Variants in TSPAN9 observed in about 807,000 individuals in gnomAD.
TSPAN9 encodes the protein tetraspanin 9.
A neutral mutation model predicts 31.0 loss-of-function variants in TSPAN9; 16 were observed. That is an observed-to-expected ratio of 0.52 (90% CI 0.35 to 0.78). The LOEUF (loss-of-function observed/expected upper bound fraction) is 0.78. Among genes scored for constraint, TSPAN9 ranks in the 30% least tolerant of loss-of-function variants. The pLI is 0.01. For synonymous variants in TSPAN9, 145 were observed against 121.6 expected (o/e 1.19, Z -1.27); for missense variants, 272 against 312.5 (o/e 0.87, Z 0.98).
rs1230745376 is a variant in TSPAN9 at position 3,205,230 on chromosome 12, T to A, written c.63+3974T>A. Among the ~76,000 whole-genome samples, 3 of 152,216 alleles carry A rather than the reference T, an allele frequency of 2.0e-5. No individual in the cohort carries two copies. The South Asian group carries it at 6.2e-4, about 31-fold the overall frequency. ...CTTTAAATTATGGCTGGCAGAGCAG[T>A]GACATTCTGGCCCATTGGAAAGCCT... On this transcript the variant is annotated intron_variant, in intron 3 of 8. Coordinates refer to ENST00000011898, the MANE Select transcript of TSPAN9 (RefSeq NM_006675.5).
intron 1 of TSPAN9, among the ~76,000 whole-genome samples, chr12:3,079,274 G>A (rs1397899515): frequency 1.3e-5 from 2 of 151,308 alleles, no homozygotes; most frequent in Non-Finnish European, 1.5e-5. Flanking sequence ...CCACCGCATT[G>A]GCTGAAGTTT....
rs757650466 is a variant in TSPAN9, at chr12:3,192,272, G to T, written c.-17-8905G>T. ...GGGAAGCCACTGATGAGGTTACAGT[G>T]GAGAGGCACATGAGTGGGAAGATTG... On this transcript the variant is annotated intron_variant, in intron 2 of 8. Transcript: ENST00000011898. The surrounding 1 kb of genome is among the most constrained non-coding windows in gnomAD (Gnocchi z 4.6). 2.6e-5 allele frequency among the ~76,000 whole-genome samples: 4 copies of T among 152,218 alleles called. No individual in the cohort carries two copies. The highest frequency in any genetic ancestry group is 5.9e-5 in the Non-Finnish European group (4 of 68,046).
chr12:3,189,347 T>TAG (rs2153971910), intron 2 of TSPAN9, among the ~76,000 whole-genome samples: 2 of 152,132 alleles, frequency 1.3e-5, no homozygotes, highest in East Asian at 3.9e-4. Context: ...GAGTACCATG[T>TAG]AGAAGGGCCC....
Position 3,283,188 on chromosome 12 carries a change from T to C in TSPAN9, c.*72T>C. 1 of 1,516,448 alleles carries C rather than the reference T, an allele frequency of 6.6e-7. No homozygotes were observed. The highest frequency in any genetic ancestry group is 2.3e-5 in the East Asian group (1 of 44,034). The allele number at this position is 1,516,448 out of a possible 1,614,324, so 93.9% of individuals were successfully genotyped here. On this transcript the variant is annotated 3_prime_UTR_variant, in exon 9 of 9. Coordinates refer to ENST00000011898, the MANE Select transcript of TSPAN9 (RefSeq NM_006675.5). Reference sequence around the variant, plus strand: ...GAAGAGGATTGAGCTTTGTGTCACCTGCCTGCGCTCTCCAGATATGACCCC... The same window carrying C: ...GAAGAGGATTGAGCTTTGTGTCACCCGCCTGCGCTCTCCAGATATGACCCC...
At chr12:3,257,935 C>A (rs914836095) in intron 3 of TSPAN9, among the ~76,000 whole-genome samples, 1 of 152,134 alleles carries the variant, frequency 6.6e-6, no homozygotes, top group Non-Finnish European at 1.5e-5. Flanking sequence ...TCCCCCCAGG[C>A]AGAGGTGTGG....
At chr12:3,102,246 C>T (rs926771616) in intron 2 of TSPAN9, among the ~76,000 whole-genome samples, 1 of 152,028 alleles carries the variant, frequency 6.6e-6, no homozygotes, top group African/African-American at 2.4e-5. Flanking sequence ...GCCTCACCCT[C>T]CTAAGTAGCT....
intron 3 of TSPAN9, among the ~76,000 whole-genome samples, chr12:3,269,490 CTG>C (rs1862627781): frequency 1.2e-5 from 1 of 85,136 alleles, no homozygotes; most frequent in Non-Finnish European, 3.0e-5. Flanking sequence ...CTCTGTGTTT[CTG>C]CAGCCTGCCC....
chr12:3,086,908 G>A (rs2098300810), intron 2 of TSPAN9, among the ~76,000 whole-genome samples: 3 of 152,180 alleles, frequency 2.0e-5, no homozygotes, highest in Admixed American at 1.3e-4. Flanking sequence ...GAGGCACGCC[G>A]CCTCCAATCA....
chr12:3,223,709 G>A (rs2098385735), intron 3 of TSPAN9, among the ~76,000 whole-genome samples: 1 of 152,216 alleles, frequency 6.6e-6, no homozygotes, highest in Admixed American at 6.5e-5. Flanking sequence ...TTATGGAGCT[G>A]GTTCAAGTAT....
At chr12:3,198,708 CCACCACCAGCACAGCT>C (rs2098369086) in intron 2 of TSPAN9, among the ~76,000 whole-genome samples, 3 of 5,432 alleles carry the variant, frequency 5.5e-4, no homozygotes, top group Admixed American at 3.9e-3. Flanking sequence ...CCAGCACAGG[CCACCACCAGCACAGCT>C]CACCACCAGC....
At chr12:3,266,477 G>A (rs1862539430) in intron 3 of TSPAN9, among the ~76,000 whole-genome samples, 2 of 152,206 alleles carry the variant, frequency 1.3e-5, no homozygotes, top group Non-Finnish European at 2.9e-5. Flanking sequence ...CTGGGAGCAG[G>A]TGCAGCTGTA....
chr12:3,239,620 G>A (rs374731598), intron 3 of TSPAN9, among the ~76,000 whole-genome samples: 28 of 152,260 alleles, frequency 1.8e-4, no homozygotes, highest in African/African-American at 6.5e-4. Flanking sequence ...TCTCTTTGCC[G>A]GGTCTGCTGA....
At chr12:3,223,490 G>A (rs1419518707) in intron 3 of TSPAN9, among the ~76,000 whole-genome samples, 3 of 152,202 alleles carry the variant, frequency 2.0e-5, no homozygotes, top group African/African-American at 4.8e-5. Context: ...TTTCTATGCC[G>A]TTTGCTGCAA....
chr12:3,146,956 C>A (rs1037760640), intron 2 of TSPAN9, among the ~76,000 whole-genome samples: 1 of 152,058 alleles, frequency 6.6e-6, no homozygotes, highest in South Asian at 2.1e-4. Flanking sequence ...CTTCTCTGAG[C>A]CTCAGTTTCC....
chr12:3,078,494 A>T (rs1417594710), intron 1 of TSPAN9, among the ~76,000 whole-genome samples: 1 of 152,188 alleles, frequency 6.6e-6, no homozygotes, highest in Non-Finnish European at 1.5e-5. Context: ...CTATAGAGAT[A>T]CGCAGCCAGC....
At chr12:3,100,339 T>C (rs1026407630) in intron 2 of TSPAN9, among the ~76,000 whole-genome samples, 1 of 152,182 alleles carries the variant, frequency 6.6e-6, no homozygotes, top group African/African-American at 2.4e-5. Flanking sequence ...TCCTCTCCTC[T>C]CTGGTATTCT....
rs150191079 is a variant in TSPAN9, at chr12:3,109,299, TGA to T, written c.-18+25588_-18+25589del. ...GTGTGTGTGTGTGTGTGTGTGTGTG[TGA>T]GAGAGAGTGTGTGTGTGTGTGTGTG... On this transcript the variant is annotated intron_variant, in intron 2 of 8. Transcript: ENST00000011898. 3.2e-3 allele frequency among the ~76,000 whole-genome samples: 384 copies of T among 118,300 alleles called. 2 individuals carry two copies. The highest frequency in any genetic ancestry group is 0.03 in the South Asian group (119 of 3,904). The allele number at this position is 118,300 out of a possible 152,430, so 77.6% of individuals were successfully genotyped here.
At chr12:3,158,950 C>T (rs1304388902) in intron 2 of TSPAN9, among the ~76,000 whole-genome samples, 4 of 151,780 alleles carry the variant, frequency 2.6e-5, no homozygotes, top group East Asian at 1.9e-4. Flanking sequence ...TTGCCCGGCA[C>T]GTCACAGATA....
In TSPAN9 at chr12:3,280,788, G is replaced by T. The variant is rs1196654914; in HGVS notation, c.432+305G>T. ...CTCCATGATGGGGCTTGGCTTAGGTGAGGAGGCCCTGGCTCTAGGAGGAGA... is the reference window on the plus strand; with the variant it reads ...CTCCATGATGGGGCTTGGCTTAGGTTAGGAGGCCCTGGCTCTAGGAGGAGA... On this transcript the variant is annotated intron_variant, in intron 6 of 8. Coordinates refer to ENST00000011898, the MANE Select transcript of TSPAN9 (RefSeq NM_006675.5). The surrounding 1 kb of genome is among the most constrained non-coding windows in gnomAD (Gnocchi z 4.5). Among the ~76,000 whole-genome samples the T allele has an allele frequency of 6.6e-6, 1 of 152,230 alleles. No individual in the cohort carries two copies. Among genetic ancestry groups the T allele is most frequent in the Non-Finnish European group, 1.5e-5 (1 of 68,044 alleles).
Sources: allele counts gnomAD v4.1 joint callset (sites outside exome capture counted in the v4.1 genomes callset), GRCh38; gene constraint gnomAD v4.1.1; non-coding constraint Gnocchi (gnomAD v3.1); transcripts MANE v1.5; gene names NCBI Gene and HGNC (gene_info 2026-07-23, HGNC 2026-07-21).